Variants in DPP4 observed in about 807,000 individuals in gnomAD.
DPP4 encodes the protein ADCP-2.
In DPP4, 93 loss-of-function variants were observed where a neutral mutation model predicts 122.4. The observed-to-expected ratio is 0.76, with a 90% CI of 0.64 to 0.90. The LOEUF is 0.90. Ranked by LOEUF, DPP4 falls within the 40% of genes least tolerant of loss-of-function variation. DPP4 has a pLI of 0.00. For missense variants in DPP4, 914 were observed against 907.3 expected (o/e 1.01, Z -0.09); for synonymous variants, 321 against 302.9 (o/e 1.06, Z -0.62).
intron 2 of DPP4, among the ~76,000 whole-genome samples, chr2:162,057,968 T>G (rs1406184780): frequency 6.6e-6 from 1 of 152,170 alleles, no homozygotes; most frequent in African/African-American, 2.4e-5. Context: ...GGACGGGGTT[T>G]CACCATGTTG....
intron 11 of DPP4, among the ~76,000 whole-genome samples, chr2:162,023,376 C>T (rs996616199): frequency 6.6e-6 from 1 of 152,162 alleles, no homozygotes; most frequent in Non-Finnish European, 1.5e-5. Context: ...TTCTTTAAAA[C>T]CTTGAAACAA....
intron 9 of DPP4, 126 bp from the exon 10 acceptor site, chr2:162,033,779 C>T: frequency 3.5e-6 from 2 of 563,778 alleles, no homozygotes; most frequent in South Asian, 4.5e-5. Flanking sequence ...AGACATGTTC[C>T]AACAATTTAA....
chr2:162,050,126 G>C (rs895644998), intron 2 of DPP4, among the ~76,000 whole-genome samples: 2 of 152,066 alleles, frequency 1.3e-5, no homozygotes, highest in African/African-American at 4.8e-5. Context: ...ATAGTAACTG[G>C]ATTTGTTCAC....
In DPP4 at chr2:162,073,542, G is replaced by A. The variant is rs1030144029; in HGVS notation, c.7-56C>T. The A allele has an allele frequency of 7.7e-6, 12 of 1,566,722 alleles. No homozygotes were observed. In the African/African-American group the frequency reaches 1.2e-4, roughly 16 times the overall value. On this transcript the variant is annotated intron_variant, in intron 1 of 25. Transcript: ENST00000360534. ...AGGGAAGCGTGTGGCCCCAGTTTCC[G>A]TAGGAGGGTCGGGGCTGCTCCAGAG...
At chr2:162,027,348 C>CAA (rs3216641) in intron 10 of DPP4, among the ~76,000 whole-genome samples, 3 of 111,736 alleles carry the variant, frequency 2.7e-5, no homozygotes, top group Admixed American at 9.5e-5. Context: ...GACTCGGTCT[C>CAA]AAAAAAAAAA....
intron 3 of DPP4, 33 bp from the exon 4 acceptor site, chr2:162,047,039 A>T (rs201463022): frequency 1.6e-6 from 2 of 1,236,374 alleles, no homozygotes; most frequent in Non-Finnish European, 2.3e-6. Context: ...TCAAAATTTC[A>T]AGTTGTTATT....
At chr2:162,032,327 A>C (rs1025831460) in intron 10 of DPP4, 15 of 152,340 alleles carry the variant, frequency 9.8e-5, no homozygotes, top group African/African-American at 3.4e-4. Flanking sequence ...GAGTCCTAAG[A>C]TAAAGCATGT....
intron 9 of DPP4, 143 bp downstream of exon 9, chr2:162,035,021 C>A: frequency 1.4e-6 from 1 of 697,750 alleles, no homozygotes; most frequent in Non-Finnish European, 2.2e-6. Context: ...TTAAAATTGC[C>A]AGATGCTGTT....
intron 23 of DPP4, among the ~76,000 whole-genome samples, chr2:162,002,204 C>G (rs1482113465): frequency 6.6e-6 from 1 of 152,198 alleles, no homozygotes; most frequent in Non-Finnish European, 1.5e-5. Flanking sequence ...CAAGGCATCC[C>G]CGCCTGTTCC....
intron 23 of DPP4, among the ~76,000 whole-genome samples, chr2:162,000,854 G>T (rs1701129172): frequency 6.6e-6 from 1 of 152,132 alleles, no homozygotes. Flanking sequence ...CTCTCTGTGT[G>T]TATTCATAAA....
At chr2:162,056,425 A>C (rs748163274) in intron 2 of DPP4, among the ~76,000 whole-genome samples, 12 of 152,336 alleles carry the variant, frequency 7.9e-5, no homozygotes, top group Admixed American at 6.5e-4. Context: ...GTGAACTCCA[A>C]GTGGCTGTAG....
intron 23 of DPP4, among the ~76,000 whole-genome samples, chr2:162,002,627 C>A (rs1701179367): frequency 1.3e-5 from 2 of 149,808 alleles, no homozygotes; most frequent in African/African-American, 4.9e-5. Context: ...TTTGTCTTTT[C>A]AAAAAGGATG....
At chr2:162,049,147 T>A (rs779508868) in intron 2 of DPP4, among the ~76,000 whole-genome samples, 12 of 152,222 alleles carry the variant, frequency 7.9e-5, no homozygotes, top group Non-Finnish European at 1.3e-4. Context: ...TTTGGGGGAC[T>A]GGGAAGCCAG....
intron 14 of DPP4, 84 bp from the exon 15 acceptor site, chr2:162,019,360 T>C: frequency 1.0e-6 from 1 of 976,174 alleles, no homozygotes; most frequent in East Asian, 2.7e-5. Flanking sequence ...ACCCCAAGCC[T>C]AAGTGTGCAC....
chr2:161,993,880 C>T (rs560770720), intron 25 of DPP4, among the ~76,000 whole-genome samples: 1 of 151,918 alleles, frequency 6.6e-6, no homozygotes, highest in South Asian at 2.1e-4. Context: ...ATATATAGCA[C>T]CTAGAAACTG....
chr2:162,057,787 T>C (rs1223901204), intron 2 of DPP4, among the ~76,000 whole-genome samples: 2 of 152,196 alleles, frequency 1.3e-5, no homozygotes, highest in African/African-American at 4.8e-5. Flanking sequence ...GATTTCTTTT[T>C]TTTGAGACAG....
intron 10 of DPP4, among the ~76,000 whole-genome samples, chr2:162,031,587 G>GT (rs1683552072): frequency 6.6e-6 from 1 of 152,094 alleles, no homozygotes; most frequent in African/African-American, 2.4e-5. Context: ...TCCATACTCT[G>GT]TTTTTTCCGC....
chr2:162,019,393 C>G (rs1683041260), intron 14 of DPP4, 117 bp from the exon 15 acceptor site: 1 of 622,282 alleles, frequency 1.6e-6, no homozygotes, highest in African/African-American at 1.9e-5. Context: ...CGGGTGCCCG[C>G]CGCCCTCCGC....
intron 23 of DPP4, among the ~76,000 whole-genome samples, chr2:162,003,324 T>C (rs1470218375): frequency 2.0e-5 from 3 of 152,010 alleles, no homozygotes; most frequent in East Asian, 3.9e-4. Flanking sequence ...GGGAACTCGG[T>C]GGGAACGAGG....
Sources: gnomAD v4.1 joint callset for allele counts (sites outside exome capture counted in the v4.1 genomes callset) on GRCh38, gnomAD v4.1.1 for gene constraint, MANE v1.5 for transcripts, NCBI Gene and HGNC (gene_info 2026-07-23, HGNC 2026-07-21) for gene names.